RNF130: variants seen among roughly 807,000 people sequenced by gnomAD.
RNF130 encodes ring finger protein 130, also known as E3 ubiquitin-protein ligase RNF130.
A neutral mutation model predicts 44.6 loss-of-function variants in RNF130; 21 were observed. That is an observed-to-expected ratio of 0.47 (90% CI 0.33 to 0.68). The LOEUF is 0.68. RNF130 is among the 30% of genes least tolerant of loss of function. The pLI is 0.02. For missense variants in RNF130, 479 were observed against 560.6 expected, an observed-to-expected ratio of 0.85 and a Z score of 1.47; for synonymous variants, 214 against 210.4, an observed-to-expected ratio of 1.02 and a Z score of -0.15.
At chr5:179,930,120 T>C (rs1437171845) in intron 7 of RNF130, among the ~76,000 whole-genome samples, 2 of 152,288 alleles carry the variant, frequency 1.3e-5, no homozygotes, top group Admixed American at 6.5e-5. Context: ...TGCAATGGCG[T>C]GATCTTGGCT....
intron 7 of RNF130, among the ~76,000 whole-genome samples, chr5:179,941,967 T>C (rs528767347): frequency 2.6e-5 from 4 of 152,292 alleles, no homozygotes; most frequent in African/African-American, 9.6e-5. Context: ...TTATGTCTGT[T>C]ATCCTATTTG....
intron 1 of RNF130, 127 bp from the exon 2 acceptor site, chr5:180,040,774 C>T (rs1160728414): frequency 1.3e-6 from 1 of 746,324 alleles, no homozygotes. Flanking sequence ...GCCAGCAGAG[C>T]TATGAATACA....
At chr5:179,954,330 C>T (rs1029958355), downstream of RNF130, among the ~76,000 whole-genome samples, 4 of 152,138 alleles carry the variant, frequency 2.6e-5, no homozygotes, top group African/African-American at 7.2e-5. Flanking sequence ...AGCCGAACAG[C>T]GGAAACAAGT....
chr5:179,980,037 A>G (rs1400383061), intron 4 of RNF130, 92 bp downstream of exon 4: 2 of 1,012,434 alleles, frequency 2.0e-6, no homozygotes, highest in South Asian at 1.4e-5. Context: ...TAACGAATGA[A>G]ATGTAAACAA....
chr5:180,035,048 T>C (rs1354965944), intron 2 of RNF130, among the ~76,000 whole-genome samples: 1 of 152,216 alleles, frequency 6.6e-6, no homozygotes, highest in Non-Finnish European at 1.5e-5. Flanking sequence ...TCTGTCTCAC[T>C]TATTTCTCCT....
downstream of RNF130, chr5:179,954,946 G>A (rs540378484): frequency 2.2e-4 from 33 of 152,268 alleles, no homozygotes; most frequent in Admixed American, 6.5e-4. Context: ...GTATTTCACC[G>A]GCACATGTAA....
intron 2 of RNF130, among the ~76,000 whole-genome samples, chr5:180,019,357 C>CTTT (rs1223693475): frequency 6.7e-6 from 1 of 150,172 alleles, no homozygotes; most frequent in Non-Finnish European, 1.5e-5. Context: ...GCACTCCAGC[C>CTTT]TGGGCGACAG....
intron 1 of RNF130, among the ~76,000 whole-genome samples, chr5:180,068,121 C>T (rs150045670): frequency 8.5e-5 from 13 of 152,358 alleles, no homozygotes; most frequent in African/African-American, 1.7e-4. Flanking sequence ...CCCACCAGCA[C>T]ATCTGCATAC....
At chr5:179,957,970 C>A (rs899684452) in intron 8 of RNF130, among the ~76,000 whole-genome samples, 1 of 151,282 alleles carries the variant, frequency 6.6e-6, no homozygotes, top group Non-Finnish European at 1.5e-5. Context: ...CTCCGCCTCC[C>A]GGGTTCACGC....
At chr5:179,959,035 A>C (rs1386905686) in intron 8 of RNF130, among the ~76,000 whole-genome samples, 2 of 152,184 alleles carry the variant, frequency 1.3e-5, no homozygotes, top group African/African-American at 4.8e-5. Flanking sequence ...ATATCGCCAG[A>C]GCTCCAGAAA....
At chr5:180,019,899 G>A (rs1291858691) in intron 2 of RNF130, among the ~76,000 whole-genome samples, 8 of 152,194 alleles carry the variant, frequency 5.3e-5, no homozygotes, top group African/African-American at 1.4e-4. Flanking sequence ...GTCACGGAAC[G>A]GTGAACACTC....
At chr5:180,046,936 T>G (rs1485337844) in intron 1 of RNF130, among the ~76,000 whole-genome samples, 4 of 152,086 alleles carry the variant, frequency 2.6e-5, no homozygotes, top group Non-Finnish European at 5.9e-5. Context: ...ACATGATTGA[T>G]GAAGGAAAAG....
At chr5:180,055,449 T>TGTGTGC (rs1764794690) in intron 1 of RNF130, among the ~76,000 whole-genome samples, 4 of 151,194 alleles carry the variant, frequency 2.6e-5, no homozygotes, top group African/African-American at 7.4e-5. Flanking sequence ...TTTGTGTGTG[T>TGTGTGC]GTGCGTGTGT....
intron 2 of RNF130, among the ~76,000 whole-genome samples, chr5:180,016,601 C>G (rs1763741178): frequency 1.3e-5 from 2 of 152,182 alleles, no homozygotes; most frequent in South Asian, 4.1e-4. Flanking sequence ...ATCTGTGATC[C>G]CTGCTTCCAA....
At chr5:179,959,633 A>T (rs1168773572) in intron 8 of RNF130, among the ~76,000 whole-genome samples, 1 of 152,218 alleles carries the variant, frequency 6.6e-6, no homozygotes, top group East Asian at 1.9e-4. Flanking sequence ...TCTCAAAAAA[A>T]AAAAAAGAGT....
downstream of RNF130, among the ~76,000 whole-genome samples, chr5:179,952,514 CAAT>C: frequency 6.6e-6 from 1 of 152,190 alleles, no homozygotes; most frequent in African/African-American, 2.4e-5. Flanking sequence ...GCCAGCATTA[CAAT>C]AATACCAAGG....
exon 8 of RNF130, chr5:179,911,654 G>A (rs1249045477): frequency 1.3e-5 from 2 of 152,216 alleles, no homozygotes; most frequent in Non-Finnish European, 2.9e-5. Context: ...GGTCAAATCA[G>A]CTTTTTCAAT....
intron 8 of RNF130, among the ~76,000 whole-genome samples, chr5:179,962,228 G>C (rs1762348472): frequency 6.6e-6 from 1 of 152,200 alleles, no homozygotes; most frequent in South Asian, 2.1e-4. Context: ...ACCCGACCCT[G>C]ACATCTGTGA....
rs1020880552 is a variant in RNF130, at chr5:179,991,693, C to A, written c.694-11493G>T. Among the ~76,000 whole-genome samples, 4 of 152,056 alleles carry A rather than the reference C, an allele frequency of 2.6e-5. No individual in the cohort carries two copies. In the East Asian group the frequency reaches 5.8e-4, roughly 22 times the overall value. ...GGAAGACAATTTTTCCACAGACTGG[C>A]GGGTAGGGGATGGTTTCAGGATGAT... On this transcript the variant is annotated intron_variant, in intron 3 of 8. Coordinates refer to ENST00000521389, the MANE Select transcript of RNF130 (RefSeq NM_018434.6).
Sources: gnomAD v4.1 joint callset for allele counts (sites outside exome capture counted in the v4.1 genomes callset) on GRCh38, gnomAD v4.1.1 for gene constraint, MANE v1.5 for transcripts, NCBI Gene and HGNC (gene_info 2026-07-23, HGNC 2026-07-21) for gene names.